The following SPATA7 variants were observed in gnomAD, a reference collection of about 807,000 sequenced individuals.
The protein encoded by SPATA7 is spermatogenesis associated 7.
SPATA7 carries 43 observed loss-of-function variants against 51.8 expected under a neutral mutation model. The observed-to-expected ratio is 0.83, with a 90% confidence interval of 0.65 to 1.07. The LOEUF (loss-of-function observed/expected upper bound fraction) is 1.07. Ranked by LOEUF, SPATA7 falls within the 50% of genes least tolerant of loss-of-function variation. The pLI is 0.00. For synonymous variants in SPATA7, 230 were observed against 252.8 expected (o/e 0.91, Z 0.86); for missense variants, 683 against 701.3 (o/e 0.97, Z 0.30).
intron 5 of SPATA7, among the ~76,000 whole-genome samples, chr14:88,425,740 T>A (rs767446191): frequency 1.4e-4 from 22 of 152,106 alleles, no homozygotes; most frequent in Non-Finnish European, 2.4e-4. Flanking sequence ...AATTATCAAT[T>A]ACCTAAATCA....
At chr14:88,391,256 A>G (rs759967182) in intron 1 of SPATA7, 125 bp from the exon 2 acceptor site, 18 of 848,598 alleles carry the variant, frequency 2.1e-5, no homozygotes, top group Non-Finnish European at 3.1e-5. Context: ...TAAAAACGCA[A>G]TCACCTTTTA....
chr14:88,408,415 G>T (rs979656771), intron 4 of SPATA7, among the ~76,000 whole-genome samples: 1 of 151,716 alleles, frequency 6.6e-6, no homozygotes, highest in Non-Finnish European at 1.5e-5. Flanking sequence ...TCTGTCTGTT[G>T]TTGGTGTATA....
intron 4 of SPATA7, among the ~76,000 whole-genome samples, chr14:88,404,590 A>G (rs540066218): frequency 6.6e-6 from 1 of 152,086 alleles, no homozygotes; most frequent in African/African-American, 2.4e-5. Context: ...GGTGGCATGC[A>G]CCTGTAGTTC....
intron 1 of SPATA7, among the ~76,000 whole-genome samples, chr14:88,390,416 G>C (rs2075710563): frequency 6.6e-6 from 1 of 152,066 alleles, no homozygotes; most frequent in South Asian, 2.1e-4. Flanking sequence ...CCTTTATAAG[G>C]TTCAGGATGG....
chr14:88,431,150 T>C, intron 8 of SPATA7, 22 bp from the exon 9 acceptor site: 1 of 1,612,204 alleles, frequency 6.2e-7, no homozygotes, highest in South Asian at 1.1e-5. Flanking sequence ...TTTGCTCAAC[T>C]ACTTTAACTT....
intron 6 of SPATA7, 72 bp from the exon 7 acceptor site, chr14:88,427,558 A>G (rs1406450188): frequency 1.4e-5 from 14 of 972,690 alleles, no homozygotes; most frequent in South Asian, 1.5e-5. Flanking sequence ...TATTTTTTCT[A>G]GCCAGTAAAC....
intron 5 of SPATA7, among the ~76,000 whole-genome samples, chr14:88,422,549 TTAA>T (rs2076675129): frequency 6.7e-6 from 1 of 148,936 alleles, no homozygotes; most frequent in African/African-American, 2.4e-5. Context: ...ATCATATATT[TTAA>T]TATATCTTTT....
downstream of SPATA7, among the ~76,000 whole-genome samples, chr14:88,442,300 C>T (rs141651852): frequency 3.7e-3 from 565 of 152,184 alleles, 1 homozygote; most frequent in Middle Eastern, 0.01. Context: ...AGCGATTCTC[C>T]GACCTCAGCC....
intron 5 of SPATA7, among the ~76,000 whole-genome samples, chr14:88,422,782 C>T (rs1331420403): frequency 1.3e-5 from 2 of 151,694 alleles, no homozygotes; most frequent in Non-Finnish European, 2.9e-5. Flanking sequence ...TTGCACTTTG[C>T]CTACATTTTT....
chr14:88,385,949 C>G (rs1326832102), intron 1 of SPATA7, 112 bp downstream of exon 1: 7 of 1,537,372 alleles, frequency 4.6e-6, no homozygotes, highest in Non-Finnish European at 6.1e-6. Context: ...GCGCTTCCTA[C>G]CCCTGGCTGA....
At chr14:88,419,549 C>T (rs2076579167) in intron 5 of SPATA7, among the ~76,000 whole-genome samples, 2 of 141,446 alleles carry the variant, frequency 1.4e-5, no homozygotes, top group Non-Finnish European at 3.0e-5. Context: ...TTTTTTGAGA[C>T]AGAGTCTCGC....
At chr14:88,470,004 G>A in exon 5 of SPATA7, 6 of 1,613,116 alleles carry the variant, frequency 3.7e-6, no homozygotes, top group Non-Finnish European at 5.1e-6. Flanking sequence ...ATTCTGTAAT[G>A]GTCCCTGTGT....
chr14:88,467,969 G>C, intron 4 of SPATA7: 1 of 897,798 alleles, frequency 1.1e-6, no homozygotes, highest in South Asian at 1.5e-5. Flanking sequence ...TCTTCAGCCT[G>C]TGCTTCGCAC....
At position 88,469,397 on chromosome 14, in the gene SPATA7, A is replaced by T. The variant is rs2077418909; in HGVS notation, c.255-450A>T. 9.5e-7 allele frequency: 1 copy of T among 1,054,498 alleles called. No individual in the cohort carries two copies. The highest frequency in any genetic ancestry group is 2.1e-5 in the Admixed American group (1 of 47,198). The allele number at this position is 1,054,498 out of a possible 1,614,324, so 65.3% of individuals were successfully genotyped here. A position where few individuals can be genotyped will look rare whatever the true frequency, so the allele number is the denominator to read the frequency against. ...TTATGTTAAAACAAGTCCGAAGCTTATATGAGATAACATAAAGGAAATATT... is the reference window on the plus strand; with the variant it reads ...TTATGTTAAAACAAGTCCGAAGCTTTTATGAGATAACATAAAGGAAATATT... On this transcript the variant is annotated intron_variant, in intron 4 of 4. Coordinates refer to the SPATA7 transcript ENST00000556406. This position sits in a 1 kb window ranked among gnomAD's most constrained non-coding sequence, Gnocchi z 4.3.
intron 3 of SPATA7, among the ~76,000 whole-genome samples, chr14:88,445,756 G>A (rs1375959185): frequency 1.3e-5 from 2 of 152,142 alleles, no homozygotes; most frequent in Non-Finnish European, 1.5e-5. Flanking sequence ...TGTGTTTTTT[G>A]TCTTTGGTTC....
rs371280215 is a variant in SPATA7, at chr14:88,426,240, C to T, written c.381C>T (p.Gly127=). Residue 127 remains glycine (G), a synonymous_variant, in exon 6 of 12, where the codon GGC becomes GGT. Coordinates refer to ENST00000393545, the MANE Select transcript of SPATA7 (RefSeq NM_018418.5). ...SLFNTLQKPS[G]EPQIEDDMLK... ...ATATCGAATGTTCTTAGCCCTCAGG[C>T]GAACCGCAAATTGAGGATGACATGT... 1.9e-4 allele frequency: 302 copies of T among 1,613,026 alleles called. No homozygotes were observed. The highest frequency in any genetic ancestry group is 2.0e-4 in the African/African-American group (15 of 74,978).
intron 4 of SPATA7, among the ~76,000 whole-genome samples, chr14:88,463,751 C>T (rs1336246012): frequency 6.6e-6 from 1 of 152,186 alleles, no homozygotes. Context: ...ACCACTTTAA[C>T]AATCCAAGGA....
At chr14:88,389,182 G>A (rs868053078) in intron 1 of SPATA7, among the ~76,000 whole-genome samples, 1 of 151,484 alleles carries the variant, frequency 6.6e-6, no homozygotes, top group Admixed American at 6.6e-5. Flanking sequence ...GAATTAAATC[G>A]TCTTATTTCT....
chr14:88,442,519 A>G (rs1358026459), downstream of SPATA7, among the ~76,000 whole-genome samples: 4 of 152,158 alleles, frequency 2.6e-5, no homozygotes, highest in East Asian at 5.8e-4. Flanking sequence ...GATTTTGTCA[A>G]ATGCTTTATC....
Sources: allele counts gnomAD v4.1 joint callset (sites outside exome capture counted in the v4.1 genomes callset), GRCh38; gene constraint gnomAD v4.1.1; non-coding constraint Gnocchi (gnomAD v3.1); transcripts MANE v1.5; gene names NCBI Gene and HGNC (gene_info 2026-07-23, HGNC 2026-07-21).